PTCHD4: variants seen among roughly 807,000 people sequenced by gnomAD.
The protein encoded by PTCHD4 is patched domain-containing protein 4.
A neutral mutation model predicts 58.1 loss-of-function variants in PTCHD4; 33 were observed. The ratio of observed to expected loss-of-function variants is 0.57; its 90% confidence interval spans 0.43 to 0.76. PTCHD4 has a LOEUF of 0.76. Among genes scored for constraint, PTCHD4 ranks in the 30% least tolerant of loss-of-function variants. PTCHD4 has a pLI of 0.00. For synonymous variants in PTCHD4, 478 were observed against 409.6 expected (o/e 1.17, Z -2.02); for missense variants, 1,058 against 1,027.1 (o/e 1.03, Z -0.41).
chr6:48,053,456 T>C (rs1288739389), intron 3 of PTCHD4, among the ~76,000 whole-genome samples: 1 of 152,130 alleles, frequency 6.6e-6, no homozygotes, highest in Non-Finnish European at 1.5e-5. Context: ...CATCTCAGGA[T>C]GCCTAGGAAT....
At chr6:48,006,309 G>A (rs928286209) in intron 4 of PTCHD4, among the ~76,000 whole-genome samples, 4 of 152,214 alleles carry the variant, frequency 2.6e-5, no homozygotes, top group South Asian at 2.1e-4. Flanking sequence ...TTTAAAGAAC[G>A]GAAATACCTC....
chr6:47,901,660 A>T, intron 4 of PTCHD4: 2 of 1,145,236 alleles, frequency 1.7e-6, no homozygotes, highest in South Asian at 2.0e-5. Flanking sequence ...TGTTAAGCAC[A>T]GGGAGGAAAG....
chr6:48,042,149 T>C (rs972953631), intron 3 of PTCHD4, among the ~76,000 whole-genome samples: 6 of 152,002 alleles, frequency 3.9e-5, no homozygotes, highest in Admixed American at 3.3e-4. Flanking sequence ...TCTCTTCACA[T>C]TGATTAACTC....
chr6:48,079,771 C>A (rs1424186822), intron 1 of PTCHD4, among the ~76,000 whole-genome samples: 5 of 151,986 alleles, frequency 3.3e-5, no homozygotes, highest in African/African-American at 1.2e-4. Context: ...GGGTGGAGTG[C>A]TTCCACCTCT....
chr6:47,910,394 T>C (rs1317290204), intron 4 of PTCHD4, among the ~76,000 whole-genome samples: 1 of 152,116 alleles, frequency 6.6e-6, no homozygotes, highest in South Asian at 2.1e-4. Flanking sequence ...GGAGGGCATA[T>C]TACTTTGCAT....
chr6:48,034,523 G>A (rs556299154), intron 3 of PTCHD4, among the ~76,000 whole-genome samples: 23 of 152,078 alleles, frequency 1.5e-4, no homozygotes, highest in Non-Finnish European at 1.9e-4. Context: ...GGACCATTTG[G>A]TTAATATCTT....
At chr6:48,044,946 C>T (rs1177728031) in intron 3 of PTCHD4, among the ~76,000 whole-genome samples, 2 of 151,780 alleles carry the variant, frequency 1.3e-5, no homozygotes, top group Non-Finnish European at 2.9e-5. Flanking sequence ...TTAGTGTTTC[C>T]ACATCAAACC....
In PTCHD4 at chr6:47,948,217, G is replaced by A. The variant is rs1025249687; in HGVS notation, c.898+60417C>T. On this transcript the variant is annotated intron_variant, in intron 4 of 4. Coordinates refer to ENST00000339488, the MANE Select transcript of PTCHD4 (RefSeq NM_001384253.1). The stretch of plus-strand genomic sequence containing the variant: ...CTCCATTTAGTGCTGGCTGCCAGCC[G>A]GAGGTGCCCTCAGCTCCTAGAGGCT... 5.9e-5 allele frequency among the ~76,000 whole-genome samples: 9 copies of A among 152,298 alleles called. No individual in the cohort carries two copies. In the East Asian group the frequency reaches 9.7e-4, roughly 16 times the overall value.
intron 3 of PTCHD4, among the ~76,000 whole-genome samples, chr6:48,057,250 A>G (rs562259975): frequency 1.3e-5 from 2 of 149,944 alleles, no homozygotes; most frequent in South Asian, 4.2e-4. Flanking sequence ...GTATCTCAGG[A>G]CCACTCATGA....
At chr6:47,917,061 A>C (rs1280931444) in intron 4 of PTCHD4, among the ~76,000 whole-genome samples, 1 of 152,106 alleles carries the variant, frequency 6.6e-6, no homozygotes, top group Non-Finnish European at 1.5e-5. Flanking sequence ...TTTGTATGTA[A>C]AACATGATTA....
intron 3 of PTCHD4, among the ~76,000 whole-genome samples, chr6:48,025,026 C>G (rs1356200155): frequency 6.6e-6 from 1 of 152,132 alleles, no homozygotes; most frequent in Admixed American, 6.6e-5. Context: ...GAAACATAAC[C>G]TCATCAAAAT....
chr6:48,008,550 C>T (rs1294888430), intron 4 of PTCHD4, 84 bp downstream of exon 4: 1 of 1,449,126 alleles, frequency 6.9e-7, no homozygotes, highest in Non-Finnish European at 9.2e-7. Context: ...AAAATTAAAA[C>T]AGATTTCCAC....
At chr6:48,092,055 C>G (rs78856898) in intron 1 of PTCHD4, among the ~76,000 whole-genome samples, 19 of 151,926 alleles carry the variant, frequency 1.3e-4, no homozygotes, top group African/African-American at 4.6e-4. Flanking sequence ...TAAAATTTCA[C>G]GAGACAACTT....
At chr6:47,930,241 C>T (rs1016385740) in intron 4 of PTCHD4, among the ~76,000 whole-genome samples, 2 of 152,148 alleles carry the variant, frequency 1.3e-5, no homozygotes, top group African/African-American at 2.4e-5. Flanking sequence ...AGACACATAA[C>T]AATGTCTTAC....
intron 4 of PTCHD4, among the ~76,000 whole-genome samples, chr6:47,921,465 T>A: frequency 6.6e-6 from 1 of 152,224 alleles, no homozygotes. Context: ...AATTTTCAGC[T>A]GTGCTTAAGG....
At chr6:48,017,416 G>A (rs564879497) in intron 3 of PTCHD4, among the ~76,000 whole-genome samples, 2 of 152,090 alleles carry the variant, frequency 1.3e-5, no homozygotes, top group Admixed American at 6.6e-5. Context: ...GAAAAAGGCC[G>A]TGATGTAGTT....
intron 1 of PTCHD4, among the ~76,000 whole-genome samples, chr6:48,088,726 C>T (rs1292511766): frequency 6.6e-6 from 1 of 152,156 alleles, no homozygotes; most frequent in Admixed American, 6.5e-5. Context: ...GTCACATAAG[C>T]TTTGCCCAAA....
intron 4 of PTCHD4, among the ~76,000 whole-genome samples, chr6:47,977,654 C>T (rs1767742788): frequency 6.6e-6 from 1 of 152,068 alleles, no homozygotes; most frequent in South Asian, 2.1e-4. Context: ...TTGTTTTATG[C>T]AAGTAAATCA....
intron 4 of PTCHD4, among the ~76,000 whole-genome samples, chr6:47,907,249 C>A (rs578136115): frequency 2.0e-5 from 3 of 152,218 alleles, no homozygotes; most frequent in African/African-American, 2.4e-5. Flanking sequence ...ATTCTGCAGC[C>A]AAATGGTCTT....
Sources: allele counts gnomAD v4.1 joint callset (sites outside exome capture counted in the v4.1 genomes callset), GRCh38; gene constraint gnomAD v4.1.1; transcripts MANE v1.5; gene names NCBI Gene and HGNC (gene_info 2026-07-23, HGNC 2026-07-21).